The following GPC5 variants were observed in gnomAD, a reference collection of about 807,000 sequenced individuals.
GPC5 encodes the protein glypican 5.
GPC5 carries 47 observed loss-of-function variants against 53.9 expected under a neutral mutation model. The observed-to-expected ratio is 0.87, with a 90% confidence interval of 0.69 to 1.11. The LOEUF is 1.11. Among genes scored for constraint, GPC5 ranks in the 50% most tolerant of loss-of-function variants. The pLI, the probability that GPC5 is intolerant of heterozygous loss-of-function variation, is 0.00. For synonymous variants in GPC5, 286 were observed against 263.3 expected (o/e 1.09, Z -0.84); for missense variants, 748 against 713.1 (o/e 1.05, Z -0.56).
At chr13:92,098,723 A>G (rs1325807275) in intron 6 of GPC5, among the ~76,000 whole-genome samples, 1 of 152,174 alleles carries the variant, frequency 6.6e-6, no homozygotes, top group Non-Finnish European at 1.5e-5. Flanking sequence ...TATCTTATCC[A>G]GGTGAGTCCA....
chr13:91,545,766 A>T (rs1594234824), intron 2 of GPC5, among the ~76,000 whole-genome samples: 2 of 152,108 alleles, frequency 1.3e-5, no homozygotes, highest in African/African-American at 4.8e-5. Flanking sequence ...TTATTATTTT[A>T]GATACTTCAT....
At chr13:91,913,583 T>G (rs2039631462) in intron 6 of GPC5, among the ~76,000 whole-genome samples, 1 of 152,120 alleles carries the variant, frequency 6.6e-6, no homozygotes, top group Admixed American at 6.6e-5. Context: ...ACCTGTGGGC[T>G]ATAGCTTGGT....
At chr13:92,511,429 A>G (rs565696741) in intron 7 of GPC5, among the ~76,000 whole-genome samples, 80 of 152,282 alleles carry the variant, frequency 5.3e-4, no homozygotes, top group African/African-American at 1.9e-3. Flanking sequence ...AATATTTCCT[A>G]ACGGTCATAC....
chr13:92,756,579 A>T (rs1035328924), intron 7 of GPC5, among the ~76,000 whole-genome samples: 1 of 150,722 alleles, frequency 6.6e-6, no homozygotes, highest in African/African-American at 2.4e-5. Flanking sequence ...TATCTAGAAA[A>T]CCCCATTGTC....
intron 2 of GPC5, among the ~76,000 whole-genome samples, chr13:91,577,108 A>G (rs546361154): frequency 2.6e-5 from 4 of 152,206 alleles, no homozygotes; most frequent in South Asian, 2.1e-4. Context: ...TGAACAGATT[A>G]TTGGTTCTTC....
At chr13:91,682,253 T>C (rs2035525638) in intron 2 of GPC5, among the ~76,000 whole-genome samples, 1 of 152,234 alleles carries the variant, frequency 6.6e-6, no homozygotes, top group South Asian at 2.1e-4. Flanking sequence ...ACCCGTATCA[T>C]GGGTTGGAGA....
chr13:92,780,834 T>C (rs1875998098), intron 7 of GPC5, among the ~76,000 whole-genome samples: 1 of 152,078 alleles, frequency 6.6e-6, no homozygotes, highest in Admixed American at 6.5e-5. Flanking sequence ...TTATCTATAA[T>C]TATTGCTGCT....
chr13:91,399,495 G>A (rs962656225), intron 1 of GPC5, among the ~76,000 whole-genome samples: 2 of 152,226 alleles, frequency 1.3e-5, no homozygotes, highest in African/African-American at 2.4e-5. Flanking sequence ...AACCAGGAAA[G>A]CAGACATCAG....
At chr13:92,134,454 A>T (rs1432346382) in intron 6 of GPC5, among the ~76,000 whole-genome samples, 1 of 152,144 alleles carries the variant, frequency 6.6e-6, no homozygotes, top group Non-Finnish European at 1.5e-5. Context: ...ACTTTTGTGG[A>T]TATTTAAACA....
chr13:91,967,630 A>G lies in GPC5; in HGVS notation c.1401+59573A>G, dbSNP rs576548891. ...TCTAAAATTATAAATGCTTTTAAAT[A>G]CATCATTTCCATGGCTATGTAACAC... On this transcript the variant is annotated intron_variant, in intron 6 of 7. Transcript: ENST00000377067. 1.5e-3 allele frequency among the ~76,000 whole-genome samples: 231 copies of G among 152,180 alleles called. 1 individual carries two copies. In the Middle Eastern group the frequency reaches 0.051, roughly 34 times the overall value.
At chr13:91,959,796 G>T (rs1594688787) in intron 6 of GPC5, among the ~76,000 whole-genome samples, 1 of 151,984 alleles carries the variant, frequency 6.6e-6, no homozygotes, top group East Asian at 1.9e-4. Context: ...TGCAAGGATG[G>T]TTCAACACTT....
intron 7 of GPC5, among the ~76,000 whole-genome samples, chr13:92,741,383 G>A (rs1169032574): frequency 2.0e-5 from 3 of 151,804 alleles, no homozygotes; most frequent in Non-Finnish European, 2.9e-5. Flanking sequence ...GAGCTTTCCT[G>A]GGACTCTGCA....
intron 7 of GPC5, among the ~76,000 whole-genome samples, chr13:92,513,594 C>T (rs930238836): frequency 1.0e-4 from 15 of 149,830 alleles, no homozygotes; most frequent in East Asian, 2.0e-4. Context: ...CCTTTCCTTT[C>T]GACTTCAGGC....
intron 7 of GPC5, among the ~76,000 whole-genome samples, chr13:92,633,841 G>A (rs1026889356): frequency 3.9e-5 from 6 of 151,986 alleles, no homozygotes; most frequent in South Asian, 2.1e-4. Context: ...ACCATTAAGC[G>A]TAATGTTTAT....
intron 2 of GPC5, among the ~76,000 whole-genome samples, chr13:91,607,199 G>C (rs573342777): frequency 6.6e-6 from 1 of 152,160 alleles, no homozygotes; most frequent in Non-Finnish European, 1.5e-5. Flanking sequence ...ATGATGCCAA[G>C]TGTGAAGAAC....
chr13:92,313,104 T>C (rs1008653746), intron 7 of GPC5, among the ~76,000 whole-genome samples: 2 of 152,126 alleles, frequency 1.3e-5, no homozygotes, highest in Non-Finnish European at 2.9e-5. Context: ...ATAACAAAAG[T>C]CTGTCACCTC....
Position 92,357,749 on chromosome 13 carries a change from T to C in GPC5, c.1561+212760T>C, listed in dbSNP as rs192873454. ...AGAAGAAGAGAGAGAGGAGAGGTGC[T>C]ACCCATGTTTAGAGAATTCACTGAC... On this transcript the variant is annotated intron_variant, in intron 7 of 7. Transcript: ENST00000377067. 7.3e-4 allele frequency among the ~76,000 whole-genome samples: 110 copies of C among 151,524 alleles called. 4 individuals are homozygous for C. The East Asian group carries it at 0.021, about 28-fold the overall frequency.
intron 7 of GPC5, among the ~76,000 whole-genome samples, chr13:92,512,059 C>G (rs1594263023): frequency 6.6e-6 from 1 of 152,244 alleles, no homozygotes; most frequent in African/African-American, 2.4e-5. Context: ...AGCTCCTGAC[C>G]TTCTCTAAGA....
intron 7 of GPC5, among the ~76,000 whole-genome samples, chr13:92,478,348 G>A (rs908595567): frequency 5.9e-5 from 9 of 152,148 alleles, no homozygotes; most frequent in African/African-American, 1.9e-4. Flanking sequence ...AAACTATACT[G>A]TTAAAGTCAA....
Sources: gnomAD v4.1 joint callset for allele counts (sites outside exome capture counted in the v4.1 genomes callset) on GRCh38, gnomAD v4.1.1 for gene constraint, MANE v1.5 for transcripts, NCBI Gene and HGNC (gene_info 2026-07-23, HGNC 2026-07-21) for gene names.